Variants in XIRP2 observed in about 807,000 individuals in gnomAD.
XIRP2 encodes the protein xin actin binding repeat containing 2, also known as xin actin-binding repeat-containing protein 2.
A neutral mutation model predicts 277.0 loss-of-function variants in XIRP2; 236 were observed. The ratio of observed to expected loss-of-function variants is 0.85; its 90% CI spans 0.77 to 0.95. The LOEUF (loss-of-function observed/expected upper bound fraction) is 0.95. XIRP2 is among the 40% of genes least tolerant of loss of function. XIRP2 has a pLI of 0.00. For synonymous variants in XIRP2, 1,490 were observed against 1,416.5 expected (o/e 1.05, Z -1.17); for missense variants, 4,640 against 4,157.5 (o/e 1.12, Z -3.19).
intron 2 of XIRP2, among the ~76,000 whole-genome samples, chr2:167,057,898 G>A (rs957475238): frequency 6.6e-6 from 1 of 151,818 alleles, no homozygotes; most frequent in Non-Finnish European, 1.5e-5. Flanking sequence ...CACTTCAGAC[G>A]GAAGTAAAAA....
intron 2 of XIRP2, among the ~76,000 whole-genome samples, chr2:167,020,074 A>C (rs1330011507): frequency 6.6e-6 from 1 of 152,050 alleles, no homozygotes; most frequent in Non-Finnish European, 1.5e-5. Flanking sequence ...AAAACTTTAC[A>C]CTAATCAACT....
chr2:167,106,961 CAT>C lies in XIRP2; in HGVS notation c.409-28947_409-28946del, dbSNP rs563681690. 1.5e-4 allele frequency among the ~76,000 whole-genome samples: 23 copies of C among 150,912 alleles called. No homozygotes were observed. The East Asian group carries it at 3.1e-3, about 20-fold the overall frequency. ...ATTGTATTATTAATTTCAATATTCA[CAT>C]GTTTATTGTTAGTATAAAGAAATAC... On this transcript the variant is annotated intron_variant, in intron 2 of 10. Coordinates refer to ENST00000409195, the MANE Select transcript of XIRP2 (RefSeq NM_152381.6).
rs187266982 is a variant in XIRP2 at position 167,121,114 on chromosome 2, T to C, written c.409-14795T>C. Among the ~76,000 whole-genome samples, 104 of 152,250 alleles carry C rather than the reference T, an allele frequency of 6.8e-4. No individual in the cohort carries two copies. The East Asian group carries it at 0.016, about 24-fold the overall frequency. ...CTGGGAAGTGTTTGAAGTTGGGATA[T>C]AAACATAGGTCTGATATCTTCCAAC... On this transcript the variant is annotated intron_variant, in intron 2 of 10. Coordinates refer to ENST00000409195, the MANE Select transcript of XIRP2 (RefSeq NM_152381.6).
Position 166,994,950 on chromosome 2 carries a change from C to G in XIRP2, c.408+91060C>G, listed in dbSNP as rs1687176035. ...TTTTTTTTTGACCGAGTCTCCATCT[C>G]AGCTCACTGCAACCTCCGCCTCCCG... On this transcript the variant is annotated intron_variant, in intron 2 of 10. Transcript: ENST00000409195. Among the ~76,000 whole-genome samples, 3 of 151,414 alleles carry G rather than the reference C, an allele frequency of 2.0e-5. No homozygotes were observed. In the South Asian group the frequency reaches 6.3e-4, roughly 32 times the overall value.
intron 2 of XIRP2, among the ~76,000 whole-genome samples, chr2:166,956,390 A>G (rs1686161563): frequency 6.6e-6 from 1 of 151,798 alleles, no homozygotes; most frequent in African/African-American, 2.4e-5. Flanking sequence ...CATTTAACTA[A>G]GTTGTGGTAA....
At chr2:167,004,443 C>T (rs552069175) in intron 2 of XIRP2, among the ~76,000 whole-genome samples, 2 of 151,770 alleles carry the variant, frequency 1.3e-5, no homozygotes, top group South Asian at 4.1e-4. Context: ...GTAAATGCAA[C>T]TAAAACATTT....
rs968508504 is a variant in XIRP2, at chr2:167,061,001, T to C, written c.409-74908T>C. 3.9e-5 allele frequency among the ~76,000 whole-genome samples: 6 copies of C among 152,138 alleles called. No individual in the cohort carries two copies. In the East Asian group the frequency reaches 1.2e-3, roughly 29 times the overall value. ...TGTTGAACCTTCCTATTTATGCTTA[T>C]ATATCTCTCTCCATTTATTTTCTCA... On this transcript the variant is annotated intron_variant, in intron 2 of 10. Transcript: ENST00000409195.
At chr2:167,025,060 T>A (rs1289963217) in intron 2 of XIRP2, among the ~76,000 whole-genome samples, 9 of 152,146 alleles carry the variant, frequency 5.9e-5, no homozygotes, top group Non-Finnish European at 1.3e-4. Context: ...TCTGGTAGAA[T>A]TCGGCTGTGA....
intron 3 of XIRP2, among the ~76,000 whole-genome samples, chr2:167,142,914 A>G (rs956958396): frequency 2.6e-5 from 4 of 152,062 alleles, no homozygotes; most frequent in African/African-American, 9.7e-5. Context: ...TTTTGAAAAA[A>G]TGGAAAGAAG....
In XIRP2 at chr2:166,903,819, G is replaced by T. The variant is rs1327235217; in HGVS notation, c.337G>T (p.Ala113Ser). Residue 113 changes from alanine (A) to serine (S), a missense_variant, in exon 2 of 11, where the codon GCC becomes TCC. Transcript: ENST00000409195. ...SRRRIERFSIALDELRSVFEA... is the reference protein window; with the variant it reads ...SRRRIERFSISLDELRSVFEA... The stretch of plus-strand genomic sequence containing the variant: ...GCGCAGGATTGAACGCTTTTCCATT[G>T]CCCTTGATGAGCTGAGGAGTGTGTT... 1.2e-6 allele frequency: 2 copies of T among 1,613,598 alleles called. No individual in the cohort carries two copies. Among genetic ancestry groups the T allele is most frequent in the African/African-American group, 2.7e-5 (2 of 74,890 alleles).
At chr2:167,108,129 G>T (rs75709075) in intron 2 of XIRP2, among the ~76,000 whole-genome samples, 2 of 151,470 alleles carry the variant, frequency 1.3e-5, no homozygotes, top group African/African-American at 2.4e-5. Context: ...GTAATAATGT[G>T]TGTAGAAAAT....
chr2:167,025,784 C>G (rs1191993172), intron 2 of XIRP2, among the ~76,000 whole-genome samples: 1 of 152,062 alleles, frequency 6.6e-6, no homozygotes, highest in African/African-American at 2.4e-5. Flanking sequence ...TTTCTTAATC[C>G]TGAGTTCTAG....
intron 3 of XIRP2, among the ~76,000 whole-genome samples, chr2:167,170,743 A>C (rs1692664236): frequency 6.6e-6 from 1 of 152,090 alleles, no homozygotes; most frequent in Non-Finnish European, 1.5e-5. Flanking sequence ...TAATTAATAA[A>C]GCAACTAGTT....
intron 2 of XIRP2, among the ~76,000 whole-genome samples, chr2:166,934,974 T>A (rs1271952186): frequency 1.3e-5 from 2 of 151,962 alleles, no homozygotes; most frequent in East Asian, 3.9e-4. Context: ...GAGGTTGCAG[T>A]GAGCTGAGAT....
Position 166,975,372 on chromosome 2 carries a change from C to G in XIRP2, c.408+71482C>G, listed in dbSNP as rs907712477. 5.9e-4 allele frequency among the ~76,000 whole-genome samples: 90 copies of G among 152,252 alleles called. 1 individual carries two copies. The highest frequency in any genetic ancestry group is 6.2e-4 in the Non-Finnish European group (42 of 68,026). On this transcript the variant is annotated intron_variant, in intron 2 of 10. Coordinates refer to ENST00000409195, the MANE Select transcript of XIRP2 (RefSeq NM_152381.6). Reference sequence around the variant, plus strand: ...TTTTTTCAAGTGCATATAGTATATTCTCTAAGATATACCATATAGTGGGTC... The same window carrying G: ...TTTTTTCAAGTGCATATAGTATATTGTCTAAGATATACCATATAGTGGGTC...
At chr2:166,985,910 C>T (rs1256703833) in intron 2 of XIRP2, among the ~76,000 whole-genome samples, 1 of 152,084 alleles carries the variant, frequency 6.6e-6, no homozygotes, top group African/African-American at 2.4e-5. Flanking sequence ...AGAAAAGATA[C>T]AAGTCCAAGG....
chr2:166,999,973 C>A (rs118161523), intron 2 of XIRP2, among the ~76,000 whole-genome samples: 5,384 of 151,972 alleles, frequency 0.035, 119 homozygotes, highest in East Asian at 0.079. Context: ...AAGATTTTAC[C>A]TTAATTTTAA....
chr2:167,222,114 A>T (rs1694452161), intron 5 of XIRP2, among the ~76,000 whole-genome samples: 1 of 152,198 alleles, frequency 6.6e-6, no homozygotes, highest in Admixed American at 6.5e-5. Flanking sequence ...TTGCTAATGG[A>T]TTAGACTGTT....
chr2:167,247,567 G>A lies in XIRP2; in HGVS notation c.6175G>A (p.Gly2059Arg), dbSNP rs771707076. ...CCATAAATCTAATGTTTTGGAATCAGGAGACAAAACGGGTGTCTGGACTGA... is the reference window on the plus strand; with the variant it reads ...CCATAAATCTAATGTTTTGGAATCAAGAGACAAAACGGGTGTCTGGACTGA... ...SHHKSNVLES[G>R]DKTGVWTDTT... Residue 2059 changes from glycine to arginine, a missense_variant, in exon 9 of 11, where the codon GGA (glycine) becomes AGA (arginine). Physicochemically the swap from Gly to Arg is moderately radical, Grantham distance 125 (BLOSUM62 -2). Coordinates refer to ENST00000409195, the MANE Select transcript of XIRP2 (RefSeq NM_152381.6). 5.0e-6 allele frequency: 8 copies of A among 1,613,540 alleles called. No homozygotes were observed. The Admixed American group carries it at 1.2e-4, about 24-fold the overall frequency.
Sources: allele counts gnomAD v4.1 joint callset (sites outside exome capture counted in the v4.1 genomes callset), GRCh38; gene constraint gnomAD v4.1.1; transcripts MANE v1.5; gene names NCBI Gene and HGNC (gene_info 2026-07-23, HGNC 2026-07-21).